ZNF610: variants seen among roughly 807,000 people sequenced by gnomAD.
The protein encoded by ZNF610 is zink finger protein.
In ZNF610, 14 loss-of-function variants were observed where a neutral mutation model predicts 14.1. The observed-to-expected ratio is 0.99, with a 90% CI of 0.65 to 1.55. The LOEUF is 1.55. Among genes scored for constraint, ZNF610 ranks in the 40% most tolerant of loss-of-function variants. The probability of loss-of-function intolerance (pLI) is 0.00; values close to 1 mark genes in which losing one functional copy is unlikely to be tolerated. For missense variants in ZNF610, 530 were observed against 558.0 expected (o/e 0.95, Z 0.51); for synonymous variants, 185 against 187.6 (o/e 0.99, Z 0.11).
At chr19:52,349,075 T>TA in intron 2 of ZNF610, 79 bp from the exon 3 acceptor site, 1 of 1,027,548 alleles carries the variant, frequency 9.7e-7, no homozygotes, top group Non-Finnish European at 1.5e-6. Context: ...GGATTAGGTC[T>TA]AACCTGTGTG....
At chr19:52,359,413 G>A (rs1391488223) in intron 5 of ZNF610, among the ~76,000 whole-genome samples, 1 of 152,106 alleles carries the variant, frequency 6.6e-6, no homozygotes, top group East Asian at 1.9e-4. Context: ...CAAAATTGCA[G>A]ATCAGAAATC....
At chr19:52,335,077 G>A (rs909847694), upstream of ZNF610, among the ~76,000 whole-genome samples, 1 of 149,318 alleles carries the variant, frequency 6.7e-6, no homozygotes, top group Non-Finnish European at 1.5e-5. Context: ...TGGGGGGGGG[G>A]TGTGGATCAC....
intron 1 of ZNF610, chr19:52,345,290 G>A (rs573898776): frequency 6.6e-6 from 1 of 152,184 alleles, no homozygotes; most frequent in East Asian, 1.9e-4. Context: ...CTATGATGGT[G>A]GTTCCGTAAG....
Position 52,365,769 on chromosome 19 carries a change from G to C in ZNF610, c.391G>C (p.Ala131Pro), listed in dbSNP as rs2241586. Residue 131 changes from alanine (A) to proline (P), a missense_variant, in exon 6 of 6, where the codon GCA becomes CCA. By Grantham distance (27) the Ala-to-Pro change is conservative. Transcript: ENST00000403906. Reference sequence around the variant, plus strand: ...AAATCAACTTGGATTAACCCTTGAGGCACATCTGTCTGAATTGCAGCTGTT... The same window carrying C: ...AAATCAACTTGGATTAACCCTTGAGCCACATCTGTCTGAATTGCAGCTGTT... ...IKNQLGLTLE[A>P]HLSELQLFQA... 2 of 1,613,952 alleles carry C rather than the reference G, an allele frequency of 1.2e-6. No individual in the cohort carries two copies. Among genetic ancestry groups the C allele is most frequent in the Non-Finnish European group, 1.7e-6 (2 of 1,179,990 alleles).
chr19:52,336,760 G>A (rs1984403671), intron 1 of ZNF610, among the ~76,000 whole-genome samples: 1 of 152,034 alleles, frequency 6.6e-6, no homozygotes, highest in South Asian at 2.1e-4. Context: ...TCCTTGATCC[G>A]GGCCTTCCTA....
At chr19:52,349,727 G>T (rs967345728) in intron 3 of ZNF610, among the ~76,000 whole-genome samples, 1 of 151,976 alleles carries the variant, frequency 6.6e-6, no homozygotes, top group Non-Finnish European at 1.5e-5. Flanking sequence ...CTGCCACCAC[G>T]CCCAGCTAAT....
chr19:52,343,424 C>T (rs957665213), intron 1 of ZNF610, among the ~76,000 whole-genome samples: 5 of 151,850 alleles, frequency 3.3e-5, no homozygotes, highest in South Asian at 2.1e-4. Context: ...CAAAATTATC[C>T]GGCTTTGGTG....
chr19:52,355,086 G>A (rs953876249), intron 5 of ZNF610, among the ~76,000 whole-genome samples: 2 of 152,152 alleles, frequency 1.3e-5, no homozygotes, highest in African/African-American at 4.8e-5. Flanking sequence ...TTATCCTGAT[G>A]GACAGCACCC....
Position 52,354,580 on chromosome 19 carries a change from ATTTTTT to A in ZNF610, c.319+220_319+225del, listed in dbSNP as rs201439857. The stretch of plus-strand genomic sequence containing the variant: ...CCACTGCACCTTGCAAAGCCATACT[ATTTTTT>A]TTTTTTTTTTTTTTTTTTGTCTCAC... On this transcript the variant is annotated intron_variant, in intron 5 of 5. Transcript: ENST00000403906. 4.7e-3 allele frequency among the ~76,000 whole-genome samples: 578 copies of A among 123,612 alleles called. 4 individuals carry two copies. The East Asian group carries it at 0.063, about 13-fold the overall frequency. 81.1% of individuals were successfully genotyped at this position (123,612 alleles called of 152,430 possible).
At chr19:52,344,069 A>G (rs1984816556) in intron 1 of ZNF610, 1 of 152,126 alleles carries the variant, frequency 6.6e-6, no homozygotes, top group Non-Finnish European at 1.5e-5. Context: ...CTAAGGGGTG[A>G]TGCATCACTC....
At chr19:52,338,903 G>A (rs539931717) in intron 1 of ZNF610, among the ~76,000 whole-genome samples, 29 of 151,954 alleles carry the variant, frequency 1.9e-4, no homozygotes, top group Non-Finnish European at 3.5e-4. Flanking sequence ...GGGGACCGGC[G>A]CTCAGCATAC....
chr19:52,344,720 CA>C (rs1268384510), intron 1 of ZNF610, among the ~76,000 whole-genome samples: 2 of 152,176 alleles, frequency 1.3e-5, no homozygotes, highest in African/African-American at 2.4e-5. Flanking sequence ...CAGAAAGTTC[CA>C]AAAATGAAGA....
chr19:52,344,343 C>T (rs1445946745), intron 1 of ZNF610, among the ~76,000 whole-genome samples: 1 of 151,926 alleles, frequency 6.6e-6, no homozygotes, highest in Non-Finnish European at 1.5e-5. Context: ...CCCGATTTAA[C>T]ACTCCAGCCT....
intron 1 of ZNF610, among the ~76,000 whole-genome samples, chr19:52,343,690 C>G (rs1387964592): frequency 6.6e-6 from 1 of 152,168 alleles, no homozygotes; most frequent in African/African-American, 2.4e-5. Flanking sequence ...CCAGTGGAGA[C>G]CCGCAAGAAC....
At chr19:52,336,779 G>T (rs7253555) in intron 1 of ZNF610, among the ~76,000 whole-genome samples, 10,392 of 152,120 alleles carry the variant, frequency 0.068, 563 homozygotes, top group African/African-American at 0.15. Flanking sequence ...TACTCCCCAG[G>T]CCTCCCCTTC....
chr19:52,348,630 G>A lies in ZNF610; in HGVS notation c.-19-524G>A, dbSNP rs185555643. On this transcript the variant is annotated intron_variant, in intron 2 of 5. Coordinates refer to ENST00000403906, the MANE Select transcript of ZNF610 (RefSeq NM_001161425.2). The stretch of plus-strand genomic sequence containing the variant: ...GAATATTGATGCTGGCAATTTGGAT[G>A]TGCCAGTAAGAAGCTGTCACATGCA... 3.3e-5 allele frequency among the ~76,000 whole-genome samples: 5 copies of A among 152,286 alleles called. No individual in the cohort carries two copies. The East Asian group carries it at 7.7e-4, about 24-fold the overall frequency.
intron 1 of ZNF610, among the ~76,000 whole-genome samples, chr19:52,338,800 C>T (rs990576951): frequency 3.9e-5 from 6 of 152,150 alleles, no homozygotes; most frequent in African/African-American, 7.2e-5. Context: ...GCCTGCCCCT[C>T]CACACCTGTG....
At chr19:52,355,511 T>G (rs1454417607) in intron 5 of ZNF610, among the ~76,000 whole-genome samples, 1 of 152,220 alleles carries the variant, frequency 6.6e-6, no homozygotes, top group East Asian at 1.9e-4. Context: ...TCGGCAATTT[T>G]TCACTGGATC....
At chr19:52,337,426 C>T (rs1039750137) in intron 1 of ZNF610, among the ~76,000 whole-genome samples, 4 of 150,618 alleles carry the variant, frequency 2.7e-5, no homozygotes, top group Non-Finnish European at 5.9e-5. Context: ...AAATTGGGGA[C>T]AATCAAAAAT....
Sources: allele counts gnomAD v4.1 joint callset (sites outside exome capture counted in the v4.1 genomes callset), GRCh38; gene constraint gnomAD v4.1.1; transcripts MANE v1.5; gene names NCBI Gene and HGNC (gene_info 2026-07-23, HGNC 2026-07-21).